The following DMD variants were observed in gnomAD, a reference collection of about 807,000 sequenced individuals.
DMD encodes the protein mutant dystrophin.
In DMD, 63 loss-of-function variants were observed where a neutral mutation model predicts 330.1. That is an observed-to-expected ratio of 0.19 (90% CI 0.16 to 0.24). The LOEUF is 0.24. DMD is among the 10% of genes least tolerant of loss of function. DMD has a pLI of 1.00. For missense variants in DMD, 3,344 were observed against 2,684.1 expected, an observed-to-expected ratio of 1.25 and a Z score of -5.43; for synonymous variants, 1,223 against 959.8, an observed-to-expected ratio of 1.27 and a Z score of -5.07.
At chrX:32,103,097 C>G (rs757104421) in intron 44 of DMD, among the ~76,000 whole-genome samples, 1 of 111,359 alleles carries the variant, frequency 9.0e-6, no homozygotes, top group Non-Finnish European at 1.9e-5. Context: ...CAATATCATA[C>G]GAGGTTTATC....
At chrX:33,069,617 T>C (rs1166303031) in intron 1 of DMD, among the ~76,000 whole-genome samples, 5 of 111,808 alleles carry the variant, frequency 4.5e-5, no homozygotes, top group Non-Finnish European at 9.4e-5. Context: ...CAGCATTCCT[T>C]GATTTTGGGA....
chrX:33,036,781 G>A (rs1293881713), intron 1 of DMD, among the ~76,000 whole-genome samples: 4 of 105,033 alleles, frequency 3.8e-5, no homozygotes, highest in African/African-American at 1.0e-4. Flanking sequence ...GTCTGTGTAT[G>A]TCTATCTAAA....
chrX:32,049,269 T>TA (rs2096087795), intron 44 of DMD, among the ~76,000 whole-genome samples: 2 of 111,117 alleles, frequency 1.8e-5, no homozygotes, highest in Admixed American at 9.6e-5. Flanking sequence ...ATACGTCCGT[T>TA]AAAAAAACCC....
rs1029648382 is a variant in DMD at position 32,984,072 on chromosome X, C to T, written c.93+36067G>A. ...CCTTCCCTGCCAGCTAAAGAAAATT[C>T]CATGTTATTAAAAATGGTGGTTCTC... On this transcript the variant is annotated intron_variant, in intron 2 of 78. Transcript: ENST00000357033. Among the ~76,000 whole-genome samples the T allele has an allele frequency of 6.3e-5, 7 of 111,096 alleles. No individual in the cohort carries two copies. The South Asian group carries it at 2.7e-3, about 42-fold the overall frequency.
At chrX:32,761,112 T>G (rs2072228128) in intron 7 of DMD, among the ~76,000 whole-genome samples, 2 of 112,088 alleles carry the variant, frequency 1.8e-5, no homozygotes, top group Non-Finnish European at 3.8e-5. Context: ...GTCCAAGATG[T>G]TTACAAGTGT....
chrX:32,835,477 C>G (rs1198500430), intron 4 of DMD, among the ~76,000 whole-genome samples: 1 of 112,548 alleles, frequency 8.9e-6, no homozygotes. Context: ...CAGCAAATAC[C>G]GCAATAAAGT....
At chrX:32,779,871 C>CA (rs2074543822) in intron 7 of DMD, among the ~76,000 whole-genome samples, 2 of 110,237 alleles carry the variant, frequency 1.8e-5, no homozygotes, top group African/African-American at 3.3e-5. Flanking sequence ...ATAAAAAAAT[C>CA]AAAAAAAGAA....
chrX:31,795,282 T>C (rs1330726027), intron 50 of DMD, among the ~76,000 whole-genome samples: 1 of 112,422 alleles, frequency 8.9e-6, no homozygotes, highest in African/African-American at 3.2e-5. Context: ...GAATCATCTT[T>C]AGTACAATAG....
intron 1 of DMD, among the ~76,000 whole-genome samples, chrX:33,070,673 C>CTCTCTCTCTCTCTATATA (rs1192910156): frequency 2.8e-5 from 1 of 35,654 alleles, no homozygotes; most frequent in Admixed American, 5.0e-4. Flanking sequence ...CTCTCTCTCT[C>CTCTCTCTCTCTCTATATA]TATATATATA....
rs778187029 is a variant in DMD at position 33,116,413 on chromosome X, G to A, written c.31+94869C>T. 3.6e-5 allele frequency among the ~76,000 whole-genome samples: 4 copies of A among 110,584 alleles called. No homozygotes were observed. The South Asian group carries it at 1.6e-3, about 43-fold the overall frequency. ...AGTCCCAGCTACTCGGGAGGCTGAGGTGGGAGGATCACTTGAACTCAGGAG... is the reference window on the plus strand; with the variant it reads ...AGTCCCAGCTACTCGGGAGGCTGAGATGGGAGGATCACTTGAACTCAGGAG... On this transcript the variant is annotated intron_variant, in intron 1 of 78. Coordinates refer to ENST00000357033, the MANE Select transcript of DMD (RefSeq NM_004006.3).
At chrX:33,288,923 A>G (rs1362756871) in intron 1 of DMD, among the ~76,000 whole-genome samples, 1 of 111,311 alleles carries the variant, frequency 9.0e-6, no homozygotes, top group African/African-American at 3.3e-5. Flanking sequence ...CTCAGTTACT[A>G]TAGACACAAG....
intron 7 of DMD, among the ~76,000 whole-genome samples, chrX:32,711,978 G>A (rs1225285366): frequency 1.8e-5 from 2 of 111,821 alleles, no homozygotes; most frequent in Admixed American, 1.9e-4. Flanking sequence ...GTAAAATGAG[G>A]CAAAGACTTT....
intron 63 of DMD, among the ~76,000 whole-genome samples, chrX:31,236,686 C>G (rs779813321): frequency 1.8e-5 from 2 of 112,191 alleles, no homozygotes; most frequent in East Asian, 2.8e-4. Context: ...TAAAAACATA[C>G]AAGTTACTTC....
chrX:32,595,721 A>C, intron 13 of DMD, 36 bp downstream of exon 13: 1 of 1,192,897 alleles, frequency 8.4e-7, no homozygotes, highest in Non-Finnish European at 1.1e-6. Context: ...GTTCTTTTAA[A>C]GGACATATTT....
At chrX:33,231,265 A>G in intron 1 of DMD, among the ~76,000 whole-genome samples, 1 of 111,416 alleles carries the variant, frequency 9.0e-6, no homozygotes, top group East Asian at 2.9e-4. Flanking sequence ...CCTGATTTAA[A>G]TGATAAGTCG....
chrX:32,103,893 A>G (rs918866556), intron 44 of DMD, among the ~76,000 whole-genome samples: 19 of 111,815 alleles, frequency 1.7e-4, no homozygotes, highest in Non-Finnish European at 1.9e-5. Flanking sequence ...ATCCTTTAGA[A>G]CAAAAGAATA....
At chrX:32,560,887 C>A (rs1603636392) in intron 16 of DMD, among the ~76,000 whole-genome samples, 1 of 111,745 alleles carries the variant, frequency 8.9e-6, no homozygotes, top group Middle Eastern at 4.6e-3. Flanking sequence ...GTGAATAGTG[C>A]TGCAATTAAC....
Position 32,714,664 on chromosome X carries a change from G to T in DMD, c.650-15371C>A, listed in dbSNP as rs751020281. Among the ~76,000 whole-genome samples the T allele has an allele frequency of 3.0e-3, 330 of 111,546 alleles. 3 individuals are homozygous for T. Among genetic ancestry groups the T allele is most frequent in the African/African-American group, 0.01 (320 of 30,667 alleles). ...TTCAATGTACAAACTAACTTAGGGAGAACTAGCATTTTCATCATATGTGAC... is the reference window on the plus strand; with the variant it reads ...TTCAATGTACAAACTAACTTAGGGATAACTAGCATTTTCATCATATGTGAC... On this transcript the variant is annotated intron_variant, in intron 7 of 78. Coordinates refer to ENST00000357033, the MANE Select transcript of DMD (RefSeq NM_004006.3).
rs192057003 is a variant in DMD at position 31,835,532 on chromosome X, C to T, written c.7200+1186G>A. The stretch of plus-strand genomic sequence containing the variant: ...CTTGAACTGGATACAAACTACTTTT[C>T]TAGATTTTTGGAGTGGTTGCAATAT... On this transcript the variant is annotated intron_variant, in intron 49 of 78. Transcript: ENST00000357033. 9.9e-5 allele frequency among the ~76,000 whole-genome samples: 11 copies of T among 111,606 alleles called. No homozygotes were observed. In the East Asian group the frequency reaches 2.8e-3, roughly 28 times the overall value.
Sources: allele counts gnomAD v4.1 joint callset (sites outside exome capture counted in the v4.1 genomes callset), GRCh38; gene constraint gnomAD v4.1.1; transcripts MANE v1.5; gene names NCBI Gene and HGNC (gene_info 2026-07-23, HGNC 2026-07-21).